TMEM181: variants seen among roughly 807,000 people sequenced by gnomAD.
TMEM181 encodes the protein transmembrane protein 181, also known as G protein-coupled receptor 178.
Under a neutral mutation model 71.9 loss-of-function variants are expected in TMEM181, and 39 were observed. That is an observed-to-expected ratio of 0.54 (90% CI 0.42 to 0.71). TMEM181 has a LOEUF of 0.71. TMEM181 is among the 30% of genes least tolerant of loss of function. The pLI, the probability that TMEM181 is intolerant of heterozygous loss-of-function variation, is 0.00. For synonymous variants in TMEM181, 245 were observed against 228.8 expected (o/e 1.07, Z -0.64); for missense variants, 595 against 583.0 (o/e 1.02, Z -0.21).
intron 1 of TMEM181, among the ~76,000 whole-genome samples, chr6:158,546,102 A>C (rs1781518716): frequency 6.6e-6 from 1 of 152,208 alleles, no homozygotes; most frequent in African/African-American, 2.4e-5. Flanking sequence ...CCCCCAGTTT[A>C]GGATTCAGGC....
chr6:158,619,851 C>G (rs113375479), intron 10 of TMEM181, among the ~76,000 whole-genome samples: 1 of 128,126 alleles, frequency 7.8e-6, no homozygotes. Context: ...CCTGGCGACA[C>G]AGCGAGACTC....
intron 1 of TMEM181, among the ~76,000 whole-genome samples, chr6:158,538,403 C>A (rs1781212584): frequency 6.6e-6 from 1 of 151,910 alleles, no homozygotes; most frequent in Non-Finnish European, 1.5e-5. Context: ...GATGCTCCCA[C>A]CTTGGCCTCC....
chr6:158,561,887 AAG>A (rs1318891414), intron 1 of TMEM181, among the ~76,000 whole-genome samples: 2 of 152,180 alleles, frequency 1.3e-5, no homozygotes, highest in African/African-American at 2.4e-5. Flanking sequence ...GGAAACTGAG[AAG>A]AGTTTGGTAG....
At position 158,573,436 on chromosome 6, in the gene TMEM181, C is replaced by G; in HGVS notation, c.25C>G (p.Leu9Val). The G allele has an allele frequency of 6.3e-7, 1 of 1,582,978 alleles. No individual in the cohort carries two copies. The highest frequency in any genetic ancestry group is 8.6e-7 in the Non-Finnish European group (1 of 1,166,168). Residue 9 changes from leucine (L) to valine (V), a missense_variant, in exon 2 of 17, where the codon CTC becomes GTC. Transcript: ENST00000684151. ...TGCCCCCAGGCTGGCGCCCATGCGGCTCTACACGCTCTCCAAGCGCCACTT... is the reference window on the plus strand; with the variant it reads ...TGCCCCCAGGCTGGCGCCCATGCGGGTCTACACGCTCTCCAAGCGCCACTT... MEPLAPMR[L>V]YTLSKRHFVL...
intron 7 of TMEM181, among the ~76,000 whole-genome samples, chr6:158,605,736 G>A (rs947055065): frequency 1.3e-5 from 2 of 152,036 alleles, no homozygotes; most frequent in African/African-American, 4.8e-5. Context: ...TTGCGTTTTT[G>A]GGCATTTTCA....
intron 2 of TMEM181, among the ~76,000 whole-genome samples, chr6:158,577,281 A>G (rs1309029082): frequency 2.0e-5 from 3 of 152,260 alleles, no homozygotes; most frequent in Non-Finnish European, 2.9e-5. Flanking sequence ...TAGAAAACCT[A>G]AAAGGAAACC....
At chr6:158,613,632 C>T (rs1230012468) in intron 10 of TMEM181, among the ~76,000 whole-genome samples, 3 of 152,148 alleles carry the variant, frequency 2.0e-5, no homozygotes, top group Non-Finnish European at 2.9e-5. Context: ...TCTTGGCTTC[C>T]TAAGTCAAGT....
intron 5 of TMEM181, 94 bp from the exon 6 acceptor site, chr6:158,589,578 C>T (rs1783983596): frequency 1.1e-6 from 1 of 888,054 alleles, no homozygotes; most frequent in Non-Finnish European, 1.8e-6. Context: ...ATGAGTTCTG[C>T]CCATCTGCTG....
In TMEM181 at chr6:158,628,413, C is replaced by T. The variant is rs1250291662; in HGVS notation, c.1115C>T (p.Ala372Val). 2.5e-6 allele frequency: 4 copies of T among 1,614,172 alleles called. No homozygotes were observed. The highest frequency in any genetic ancestry group is 1.6e-4 in the Middle Eastern group (1 of 6,062). ...TGCTCCTCTGTCTTGTTCAGCATCG[C>T]CATCCTTTATTTGAGATTTGGGGCG... ...LTFVVLVISI[A>V]ILYLRFGAQV... Residue 372 changes from alanine to valine, a missense_variant, in exon 14 of 17, where the codon GCC becomes GTC. Transcript: ENST00000684151.
At chr6:158,628,097 T>C (rs1254582914) in intron 13 of TMEM181, among the ~76,000 whole-genome samples, 1 of 151,958 alleles carries the variant, frequency 6.6e-6, no homozygotes, top group Non-Finnish European at 1.5e-5. Context: ...AGGGAGGAAA[T>C]GTGCCAAGGA....
intron 1 of TMEM181, among the ~76,000 whole-genome samples, chr6:158,538,023 C>A (rs1288939861): frequency 1.3e-5 from 2 of 152,124 alleles, no homozygotes; most frequent in Non-Finnish European, 2.9e-5. Flanking sequence ...CTGTCTAATG[C>A]AGCCTCCTGG....
chr6:158,536,962 C>T (rs2128275476), intron 1 of TMEM181: 1 of 945,868 alleles, frequency 1.1e-6, no homozygotes, highest in East Asian at 5.9e-5. Context: ...CTGGTCCCGC[C>T]GACGGCCGCC....
At chr6:158,562,406 T>C (rs1782233856) in intron 1 of TMEM181, among the ~76,000 whole-genome samples, 1 of 152,042 alleles carries the variant, frequency 6.6e-6, no homozygotes, top group Admixed American at 6.6e-5. Flanking sequence ...TGCTTTGGTC[T>C]TACTTTAGCA....
In TMEM181 at chr6:158,620,100, T is replaced by C. The variant is rs375977805; in HGVS notation, c.897-3450T>C. 3.3e-5 allele frequency among the ~76,000 whole-genome samples: 5 copies of C among 152,186 alleles called. No homozygotes were observed. Among genetic ancestry groups the C allele is most frequent in the South Asian group, 4.1e-4 (2 of 4,830 alleles). ...ATATTGCAATAAAAAACTAAACACT[T>C]TGGCTTTAGGAGTCCCTGTGAGCCA... On this transcript the variant is annotated intron_variant, in intron 10 of 16. Coordinates refer to ENST00000684151, the MANE Select transcript of TMEM181 (RefSeq NM_001376852.1). This position sits in a 1 kb window ranked among gnomAD's most constrained non-coding sequence, Gnocchi z 4.5.
rs1313278399 is a variant in TMEM181 at position 158,585,297 on chromosome 6, T to A, written c.260-7T>A. On this transcript the variant is annotated splice_polypyrimidine_tract_variant and splice_region_variant and intron_variant, in intron 4 of 16. Coordinates refer to ENST00000684151, the MANE Select transcript of TMEM181 (RefSeq NM_001376852.1). ...GGTCTCTAACACTGAATTTTTTTCT[T>A]TTGTAGAAACTTCTATTAAGACAAG... is the stretch of plus-strand genomic sequence containing the variant. 1 of 1,594,114 alleles carries A rather than the reference T, an allele frequency of 6.3e-7. No homozygotes were observed. The highest frequency in any genetic ancestry group is 1.4e-5 in the African/African-American group (1 of 73,992).
In TMEM181 at chr6:158,628,417, C is replaced by G. The variant is rs200561894; in HGVS notation, c.1119C>G (p.Ile373Met). ...CCTCTGTCTTGTTCAGCATCGCCAT[C>G]CTTTATTTGAGATTTGGGGCGCAAG... The part of the protein sequence containing the change: ...TFVVLVISIA[I>M]LYLRFGAQVL... The change falls in exon 14 of 17, where the codon ATC (isoleucine) becomes ATG (methionine). Residue 373 changes from isoleucine to methionine, a missense_variant. Physicochemically the swap from Ile to Met is conservative, Grantham distance 10 (BLOSUM62 1). Coordinates refer to ENST00000684151, the MANE Select transcript of TMEM181 (RefSeq NM_001376852.1). 8.7e-6 allele frequency: 14 copies of G among 1,614,206 alleles called. No homozygotes were observed. In the East Asian group the frequency reaches 3.1e-4, roughly 36 times the overall value.
In TMEM181 at chr6:158,579,283, G is replaced by A. The variant is rs184520066; in HGVS notation, c.113-1657G>A. 1.0e-3 allele frequency among the ~76,000 whole-genome samples: 157 copies of A among 150,890 alleles called. 1 individual carries two copies. The highest frequency in any genetic ancestry group is 1.9e-3 in the Non-Finnish European group (127 of 67,678). On this transcript the variant is annotated intron_variant, in intron 2 of 16. Coordinates refer to ENST00000684151, the MANE Select transcript of TMEM181 (RefSeq NM_001376852.1). ...TCAAAATTAAAAAAAAAAAAAGCAG[G>A]GTCTTGATATTTGTACACCCATGTT... is the stretch of plus-strand genomic sequence containing the variant.
At chr6:158,545,071 C>T (rs1781481786) in intron 1 of TMEM181, among the ~76,000 whole-genome samples, 1 of 152,246 alleles carries the variant, frequency 6.6e-6, no homozygotes. Context: ...GCCCACCGCT[C>T]AGGGGCCAGG....
rs542969801 is a variant in TMEM181, at chr6:158,609,515, A to G, written c.896+765A>G. 1.7e-3 allele frequency among the ~76,000 whole-genome samples: 259 copies of G among 152,186 alleles called. 1 individual carries two copies. Among genetic ancestry groups the G allele is most frequent in the Middle Eastern group, 6.8e-3 (2 of 294 alleles). On this transcript the variant is annotated intron_variant, in intron 10 of 16. Coordinates refer to ENST00000684151, the MANE Select transcript of TMEM181 (RefSeq NM_001376852.1). ...AGGCAGTCCCCTTACCCCTCATTCC[A>G]CACCCACTACCCAGAAACTGAAGCC...
Sources: gnomAD v4.1 joint callset for allele counts (sites outside exome capture counted in the v4.1 genomes callset) on GRCh38, gnomAD v4.1.1 for gene constraint, Gnocchi (gnomAD v3.1) non-coding constraint, MANE v1.5 for transcripts, NCBI Gene and HGNC (gene_info 2026-07-23, HGNC 2026-07-21) for gene names.